The following SOX5 variants were observed in gnomAD, a reference collection of about 807,000 sequenced individuals.
SOX5 encodes the protein transcription factor SOX-5.
In SOX5, 9 loss-of-function variants were observed where a neutral mutation model predicts 92.0. That is an observed-to-expected ratio of 0.10 (90% confidence interval 0.06 to 0.17). SOX5 has a LOEUF of 0.17. Ranked by LOEUF, SOX5 falls within the 10% of genes least tolerant of loss-of-function variation. The pLI, the probability that SOX5 is intolerant of heterozygous loss-of-function variation, is 1.00. For missense variants in SOX5, 642 were observed against 944.5 expected, an observed-to-expected ratio of 0.68 and a Z score of 4.20; for synonymous variants, 344 against 336.3, an observed-to-expected ratio of 1.02 and a Z score of -0.25.
intron 2 of SOX5, among the ~76,000 whole-genome samples, chr12:23,867,308 C>G (rs1362754492): frequency 6.6e-6 from 1 of 152,046 alleles, no homozygotes; most frequent in Non-Finnish European, 1.5e-5. Context: ...TCACACAAAC[C>G]TGTTGTTCTT....
Position 23,755,699 on chromosome 12 carries a change from G to C in SOX5, c.507C>G (p.Leu169=). ...GAAGCTTGTCTTTCCAGTCCTTTGA[G>C]AGTAGTTTTTCAATACTGGGGGTTT... is the stretch of plus-strand genomic sequence containing the variant. ...PEETPSIEKL[L]SKDWKDKLLA... Residue 169 remains leucine, a synonymous_variant, in exon 4 of 15, where the codon CTC becomes CTG. Coordinates refer to ENST00000451604, the MANE Select transcript of SOX5 (RefSeq NM_006940.6). The C allele has an allele frequency of 6.3e-7, 1 of 1,582,750 alleles. No homozygotes were observed. Among genetic ancestry groups the C allele is most frequent in the Non-Finnish European group, 8.6e-7 (1 of 1,166,828 alleles).
chr12:24,006,409 G>A (rs1952170569), intron 4 of SOX5, among the ~76,000 whole-genome samples: 1 of 152,012 alleles, frequency 6.6e-6, no homozygotes, highest in Non-Finnish European at 1.5e-5. Flanking sequence ...GTTTATCATG[G>A]TCCCCTTATT....
chr12:23,666,561 G>A (rs953677901), intron 6 of SOX5, among the ~76,000 whole-genome samples: 3 of 152,152 alleles, frequency 2.0e-5, no homozygotes, highest in Non-Finnish European at 4.4e-5. Flanking sequence ...ATTGGTTAGT[G>A]TTTATTGATG....
chr12:23,614,007 T>G (rs2076264123), intron 8 of SOX5, among the ~76,000 whole-genome samples: 1 of 152,164 alleles, frequency 6.6e-6, no homozygotes, highest in Admixed American at 6.5e-5. Flanking sequence ...GGTTTGGGCC[T>G]GCGCCTGTGT....
intron 2 of SOX5, among the ~76,000 whole-genome samples, chr12:24,327,893 T>C (rs1410856656): frequency 6.6e-6 from 1 of 152,012 alleles, no homozygotes; most frequent in Non-Finnish European, 1.5e-5. Context: ...GGTTTCACCA[T>C]GTTGGTCAGG....
intron 1 of SOX5, among the ~76,000 whole-genome samples, chr12:24,496,108 T>C (rs1436246238): frequency 4.6e-5 from 7 of 152,206 alleles, no homozygotes; most frequent in African/African-American, 1.7e-4. Context: ...GTAGTCTCTA[T>C]ACTCCCCGAT....
At chr12:23,549,354 T>C (rs948305562) in intron 11 of SOX5, among the ~76,000 whole-genome samples, 5 of 151,938 alleles carry the variant, frequency 3.3e-5, no homozygotes, top group African/African-American at 1.2e-4. Flanking sequence ...AAAAATCATG[T>C]TGGTGATATA....
intron 1 of SOX5, among the ~76,000 whole-genome samples, chr12:24,481,970 A>T (rs1392372416): frequency 6.6e-6 from 1 of 152,250 alleles, no homozygotes; most frequent in Non-Finnish European, 1.5e-5. Flanking sequence ...ATTATTCATA[A>T]TCATAATAGT....
chr12:23,949,753 C>CT, upstream of SOX5: 4 of 732,776 alleles, frequency 5.5e-6, no homozygotes, highest in Non-Finnish European at 6.1e-6. Flanking sequence ...TCTCTCTCTC[C>CT]CTCTCTCTCT....
chr12:23,837,307 A>C (rs1423302550), intron 3 of SOX5, among the ~76,000 whole-genome samples: 3 of 93,860 alleles, frequency 3.2e-5, no homozygotes, highest in Non-Finnish European at 5.7e-5. Flanking sequence ...AATATATAAG[A>C]TATATTTATA....
chr12:24,007,056 C>A (rs1952271992), intron 4 of SOX5, among the ~76,000 whole-genome samples: 1 of 148,136 alleles, frequency 6.8e-6, no homozygotes, highest in South Asian at 2.1e-4. Context: ...CCACTTGAAC[C>A]CAGGAGGTGG....
At chr12:24,346,107 A>G (rs1315463943) in intron 2 of SOX5, among the ~76,000 whole-genome samples, 2 of 152,236 alleles carry the variant, frequency 1.3e-5, no homozygotes, top group Admixed American at 6.5e-5. Context: ...ATTACTTCAA[A>G]GTCAAACTTC....
intron 2 of SOX5, among the ~76,000 whole-genome samples, chr12:23,879,922 C>T (rs759091406): frequency 2.0e-5 from 3 of 152,130 alleles, no homozygotes; most frequent in Non-Finnish European, 4.4e-5. Context: ...TGTAGGACTA[C>T]TTCCAGCATG....
At chr12:23,933,372 G>T (rs897593305) in intron 1 of SOX5, among the ~76,000 whole-genome samples, 3 of 151,562 alleles carry the variant, frequency 2.0e-5, no homozygotes, top group Non-Finnish European at 4.4e-5. Flanking sequence ...GGGGGTTGTG[G>T]AGCATGTCTC....
intron 2 of SOX5, among the ~76,000 whole-genome samples, chr12:23,873,257 A>G (rs1366649187): frequency 6.6e-6 from 1 of 152,252 alleles, no homozygotes; most frequent in Admixed American, 6.5e-5. Flanking sequence ...TGAGCCTAGG[A>G]ATTCAAGACT....
At chr12:24,357,045 A>G (rs2141223373) in intron 2 of SOX5, among the ~76,000 whole-genome samples, 1 of 152,324 alleles carries the variant, frequency 6.6e-6, no homozygotes. Flanking sequence ...TTATTTGCAC[A>G]TGGCAAATAA....
chr12:24,001,048 C>A (rs1482130389), intron 4 of SOX5, among the ~76,000 whole-genome samples: 3 of 152,116 alleles, frequency 2.0e-5, no homozygotes, highest in Admixed American at 2.0e-4. Context: ...AAAAAGTTTT[C>A]ATGATGGCAC....
Position 24,401,355 on chromosome 12 carries a change from G to GA in SOX5, c.-250-32717_-250-32716insT, listed in dbSNP as rs1566076321. 1.6e-3 allele frequency among the ~76,000 whole-genome samples: 110 copies of GA among 70,538 alleles called. 1 individual carries two copies. The highest frequency in any genetic ancestry group is 3.1e-3 in the South Asian group (6 of 1,956). 46.3% of individuals were successfully genotyped at this position (70,538 alleles called of 152,430 possible). On this transcript the variant is annotated intron_variant, in intron 1 of 4. Transcript: ENST00000446891. ...CGACAGAGCAAGACTCCATCTCAGG[G>GA]GAAAAAAAAAAAAAAAGTTATTTTT...
intron 1 of SOX5, among the ~76,000 whole-genome samples, chr12:24,394,991 T>C (rs939557005): frequency 6.6e-6 from 1 of 152,194 alleles, no homozygotes; most frequent in Non-Finnish European, 1.5e-5. Context: ...CTTGATGATC[T>C]CAAAGATTCT....
Sources: allele counts gnomAD v4.1 joint callset (sites outside exome capture counted in the v4.1 genomes callset), GRCh38; gene constraint gnomAD v4.1.1; transcripts MANE v1.5; gene names NCBI Gene and HGNC (gene_info 2026-07-23, HGNC 2026-07-21).